XNDC1N: variants seen among roughly 807,000 people sequenced by gnomAD.
The protein encoded by XNDC1N is protein XNDC1N.
At chr11:71,916,824 G>A in the XNDC1N span, 1 of 157,284 alleles carries the variant, frequency 6.4e-6, no homozygotes, top group Admixed American at 6.0e-5. Flanking sequence ...AAATCCTTAT[G>A]AGACTGTACA....
chr11:71,915,180 G>A, the XNDC1N span, among the ~76,000 whole-genome samples: 1 of 152,142 alleles, frequency 6.6e-6, no homozygotes, highest in South Asian at 2.1e-4. Context: ...CGGGCACGGT[G>A]GCTCACGCCT....
chr11:71,903,111 C>T, the XNDC1N span: 1 of 614,388 alleles, frequency 1.6e-6, no homozygotes, highest in South Asian at 1.7e-5. Context: ...AAAATGCAGA[C>T]ACAATGCTGG....
At chr11:71,887,221 A>G in the XNDC1N span, among the ~76,000 whole-genome samples, 1 of 152,166 alleles carries the variant, frequency 6.6e-6, no homozygotes, top group Non-Finnish European at 1.5e-5. Flanking sequence ...CAAAAAGACT[A>G]TTGACGTCAT....
chr11:71,866,536 C>G, the XNDC1N span, among the ~76,000 whole-genome samples: 9 of 152,204 alleles, frequency 5.9e-5, no homozygotes, highest in African/African-American at 2.2e-4. Flanking sequence ...AATCCCAACA[C>G]TTTGGGAGGC....
chr11:71,895,979 A>T, the XNDC1N span, among the ~76,000 whole-genome samples: 1 of 152,328 alleles, frequency 6.6e-6, no homozygotes, highest in South Asian at 2.1e-4. Context: ...CTATGTAGGA[A>T]GAAAAAAGGA....
the XNDC1N span, among the ~76,000 whole-genome samples, chr11:71,887,100 C>T: frequency 4.6e-5 from 7 of 152,214 alleles, no homozygotes; most frequent in Non-Finnish European, 7.3e-5. Flanking sequence ...AAGACTCAAG[C>T]GTCCCCATTG....
chr11:71,927,009 G>C, the XNDC1N span, among the ~76,000 whole-genome samples: 4 of 152,138 alleles, frequency 2.6e-5, no homozygotes, highest in East Asian at 5.8e-4. Context: ...CAACACTTTG[G>C]GAGGCGGAGG....
the XNDC1N span, chr11:71,884,551 AG>A: frequency 6.2e-7 from 1 of 1,603,748 alleles, no homozygotes; most frequent in East Asian, 2.2e-5. Flanking sequence ...GATGGACAAA[AG>A]AAGTGGTGAA....
chr11:71,888,593 AGG>A, the XNDC1N span, among the ~76,000 whole-genome samples: 1 of 152,164 alleles, frequency 6.6e-6, no homozygotes, highest in Non-Finnish European at 1.5e-5. Flanking sequence ...GCCCAGGCCG[AGG>A]CTGGGGGCCT....
chr11:71,872,774 T>C, the XNDC1N span, among the ~76,000 whole-genome samples: 2 of 152,164 alleles, frequency 1.3e-5, no homozygotes, highest in African/African-American at 2.4e-5. Context: ...TTCAGGATTG[T>C]ACATAAAATC....
the XNDC1N span, among the ~76,000 whole-genome samples, chr11:71,915,396 C>T: frequency 1.1e-4 from 16 of 150,820 alleles, no homozygotes; most frequent in Non-Finnish European, 1.6e-4. Context: ...TGCAGTGAGC[C>T]GAGATCGCCC....
At chr11:71,917,800 G>A in the XNDC1N span, 3 of 702,138 alleles carry the variant, frequency 4.3e-6, no homozygotes, top group Admixed American at 4.0e-5. Flanking sequence ...GTTGAGAGAA[G>A]GATAAGAGGA....
chr11:71,928,357 C>T, the XNDC1N span: 2 of 653,284 alleles, frequency 3.1e-6, no homozygotes, highest in African/African-American at 3.6e-5. Context: ...AATCCCAACG[C>T]CCCTCACCCG....
the XNDC1N span, among the ~76,000 whole-genome samples, chr11:71,919,929 C>CTTCTTT: frequency 7.1e-4 from 19 of 26,630 alleles, no homozygotes; most frequent in Non-Finnish European, 1.3e-3. Context: ...AAGCAGGCCT[C>CTTCTTT]TTTTTTTTTT....
At chr11:71,893,131 G>A in the XNDC1N span, among the ~76,000 whole-genome samples, 1 of 152,188 alleles carries the variant, frequency 6.6e-6, no homozygotes, top group Admixed American at 6.5e-5. Context: ...CTTCAAGAGA[G>A]AAGGACACTG....
At chr11:71,882,596 G>C in the XNDC1N span, among the ~76,000 whole-genome samples, 1 of 152,164 alleles carries the variant, frequency 6.6e-6, no homozygotes, top group Non-Finnish European at 1.5e-5. Flanking sequence ...TTTGTCACCA[G>C]TAGTCCTACC....
the XNDC1N span, among the ~76,000 whole-genome samples, chr11:71,892,895 A>G: frequency 6.6e-6 from 1 of 152,130 alleles, no homozygotes; most frequent in Non-Finnish European, 1.5e-5. Flanking sequence ...TGAAGAAATG[A>G]TGTCAGAAAA....
chr11:71,888,500 C>G, the XNDC1N span, among the ~76,000 whole-genome samples: 2 of 152,168 alleles, frequency 1.3e-5, no homozygotes. Flanking sequence ...AGCCCTGGGG[C>G]TACCCGATCT....
the XNDC1N span, among the ~76,000 whole-genome samples, chr11:71,877,296 T>C: frequency 2.6e-5 from 4 of 152,192 alleles, no homozygotes; most frequent in Non-Finnish European, 5.9e-5. Context: ...TAGAAAGGAA[T>C]GAAGGTCAAG....
Sources: gnomAD v4.1 joint callset for allele counts (sites outside exome capture counted in the v4.1 genomes callset) on GRCh38, gnomAD v4.1.1 for gene constraint, MANE v1.5 for transcripts, NCBI Gene and HGNC (gene_info 2026-07-23, HGNC 2026-07-21) for gene names.